The following STK32C variants were observed in gnomAD, a reference collection of about 807,000 sequenced individuals.
STK32C encodes serine/threonine kinase 32C.
A neutral mutation model predicts 56.5 loss-of-function variants in STK32C; 31 were observed. The observed-to-expected ratio is 0.55, with a 90% CI of 0.41 to 0.74. The LOEUF is 0.74. Ranked by LOEUF, STK32C falls within the 30% of genes least tolerant of loss-of-function variation. STK32C has a pLI of 0.00. For missense variants in STK32C, 544 were observed against 676.9 expected, an observed-to-expected ratio of 0.80 and a Z score of 2.18; for synonymous variants, 309 against 289.4, an observed-to-expected ratio of 1.07 and a Z score of -0.69.
chr10:132,301,566 G>C (rs1004180774), intron 1 of STK32C, among the ~76,000 whole-genome samples: 5 of 152,306 alleles, frequency 3.3e-5, no homozygotes, highest in Admixed American at 3.3e-4. Context: ...AAAGCACGGG[G>C]CCACACTCCC....
chr10:132,234,632 C>T (rs368017084), intron 2 of STK32C, among the ~76,000 whole-genome samples: 61 of 152,350 alleles, frequency 4.0e-4, no homozygotes, highest in African/African-American at 1.3e-3. Context: ...CCAGGGCTCT[C>T]CCCCTCCTGC....
intron 1 of STK32C, among the ~76,000 whole-genome samples, chr10:132,324,817 A>G (rs1227630316): frequency 6.6e-6 from 1 of 152,238 alleles, no homozygotes; most frequent in Non-Finnish European, 1.5e-5. Flanking sequence ...TAAGACATCA[A>G]TCAATGCCTG....
Position 132,307,513 on chromosome 10 carries a change from G to T in STK32C, c.262+59C>A. 1 of 1,489,136 alleles carries T rather than the reference G, an allele frequency of 6.7e-7. No homozygotes were observed. The allele number at this position is 1,489,136 out of a possible 1,614,324, so 92.2% of individuals were successfully genotyped here. A position where few individuals can be genotyped will look rare whatever the true frequency, so the allele number is the denominator to read the frequency against. ...AACCCCTGCGGGAAAAAGCCGCCCA[G>T]CCGCGCCCGCCCCTGCAATAGCGCG... On this transcript the variant is annotated intron_variant, in intron 1 of 11. Coordinates refer to ENST00000298630, the MANE Select transcript of STK32C (RefSeq NM_173575.4). This position sits in a 1 kb window ranked among gnomAD's most constrained non-coding sequence, Gnocchi z 4.4.
chr10:132,246,417 G>A (rs1037493016), intron 1 of STK32C, among the ~76,000 whole-genome samples: 1 of 152,230 alleles, frequency 6.6e-6, no homozygotes, highest in African/African-American at 2.4e-5. Context: ...GTCTCCAGAG[G>A]ACAGGGGTGT....
rs77547367 is a variant in STK32C, at chr10:132,240,460, T to C, written c.318+5440A>G. Among the ~76,000 whole-genome samples, 171 of 152,250 alleles carry C rather than the reference T, an allele frequency of 1.1e-3. 2 individuals carry two copies. The East Asian group carries it at 0.019, about 17-fold the overall frequency. On this transcript the variant is annotated intron_variant, in intron 2 of 11. Coordinates refer to ENST00000298630, the MANE Select transcript of STK32C (RefSeq NM_173575.4). ...GGTAAGGTGGAATCCAGAGGCCACG[T>C]ACACAGGCCCTGCACGGGGGCATGG...
At chr10:132,213,336 C>T (rs2062373301) in intron 10 of STK32C, among the ~76,000 whole-genome samples, 1 of 152,226 alleles carries the variant, frequency 6.6e-6, no homozygotes, top group Non-Finnish European at 1.5e-5. Context: ...TCCCTCCCCA[C>T]CATCTTCCCA....
intron 1 of STK32C, among the ~76,000 whole-genome samples, chr10:132,271,527 T>C (rs949103302): frequency 7.9e-5 from 12 of 152,038 alleles, no homozygotes; most frequent in African/African-American, 2.7e-4. Flanking sequence ...TGTTGTCCCG[T>C]CCATTGTGGC....
At chr10:132,234,276 C>G (rs2063199999) in intron 2 of STK32C, among the ~76,000 whole-genome samples, 1 of 152,232 alleles carries the variant, frequency 6.6e-6, no homozygotes, top group Non-Finnish European at 1.5e-5. Context: ...CAAGGGAGCT[C>G]TGCCGCTGTT....
chr10:132,253,450 CGAGGGAACTG>C (rs2063982080), intron 1 of STK32C, among the ~76,000 whole-genome samples: 8 of 130,870 alleles, frequency 6.1e-5, no homozygotes, highest in South Asian at 2.6e-4. Flanking sequence ...TGGAGGGAGT[CGAGGGAACTG>C]GAGGGAGCTG....
At chr10:132,232,734 G>C (rs903977250) in intron 2 of STK32C, among the ~76,000 whole-genome samples, 6 of 151,344 alleles carry the variant, frequency 4.0e-5, no homozygotes, top group African/African-American at 1.5e-4. Context: ...AGGCCACAAC[G>C]CCACCCGGAG....
At chr10:132,272,133 G>A (rs1462880903) in intron 1 of STK32C, among the ~76,000 whole-genome samples, 2 of 152,228 alleles carry the variant, frequency 1.3e-5, no homozygotes, top group African/African-American at 4.8e-5. Flanking sequence ...GCCTCCGAGC[G>A]TGGCTGTGTG....
At chr10:132,305,254 A>G (rs982394144) in intron 1 of STK32C, among the ~76,000 whole-genome samples, 6 of 152,258 alleles carry the variant, frequency 3.9e-5, no homozygotes, top group Non-Finnish European at 1.5e-5. Context: ...CATGCACCAA[A>G]TATCTGCCAA....
intron 1 of STK32C, among the ~76,000 whole-genome samples, chr10:132,270,866 G>A (rs74161759): frequency 0.011 from 1,685 of 152,164 alleles, 27 homozygotes; most frequent in African/African-American, 0.037. Flanking sequence ...CACACCTGGT[G>A]AGGACCCACC....
intron 1 of STK32C, among the ~76,000 whole-genome samples, chr10:132,325,203 C>T (rs1210707127): frequency 6.6e-6 from 1 of 152,040 alleles, no homozygotes; most frequent in Non-Finnish European, 1.5e-5. Flanking sequence ...ACAAGTCTTT[C>T]CCATGTTGTT....
intron 1 of STK32C, among the ~76,000 whole-genome samples, chr10:132,301,152 C>A (rs2065899955): frequency 6.6e-6 from 1 of 151,980 alleles, no homozygotes; most frequent in African/African-American, 2.4e-5. Context: ...AAGGCCTGGT[C>A]CTCCATTAAT....
chr10:132,269,647 T>C (rs934401835), intron 1 of STK32C, among the ~76,000 whole-genome samples: 42 of 152,244 alleles, frequency 2.8e-4, no homozygotes, highest in Non-Finnish European at 1.5e-5. Context: ...CCTGAGCTTA[T>C]GAGACAGACC....
chr10:132,304,809 C>G (rs1257385916), intron 1 of STK32C, among the ~76,000 whole-genome samples: 1 of 152,244 alleles, frequency 6.6e-6, no homozygotes, highest in East Asian at 1.9e-4. Flanking sequence ...GCGCCCAGGG[C>G]GGGCCGTCCA....
At chr10:132,225,428 A>G in intron 6 of STK32C, 92 bp from the exon 7 acceptor site, 1 of 1,589,226 alleles carries the variant, frequency 6.3e-7, no homozygotes, top group Non-Finnish European at 8.6e-7. Flanking sequence ...ACATCCCGAG[A>G]CCAGGCTGCC....
chr10:132,242,504 T>G (rs890852761), intron 2 of STK32C, among the ~76,000 whole-genome samples: 43 of 151,864 alleles, frequency 2.8e-4, no homozygotes, highest in African/African-American at 9.9e-4. Context: ...ACAGCCCCCC[T>G]GCAGTTCCAG....
Sources: gnomAD v4.1 joint callset for allele counts (sites outside exome capture counted in the v4.1 genomes callset) on GRCh38, gnomAD v4.1.1 for gene constraint, Gnocchi (gnomAD v3.1) non-coding constraint, MANE v1.5 for transcripts, NCBI Gene and HGNC (gene_info 2026-07-23, HGNC 2026-07-21) for gene names.